ATP11A: variants seen among roughly 807,000 people sequenced by gnomAD.
ATP11A encodes the protein ATPase phospholipid transporting 11A, also known as phospholipid-transporting ATPase IH.
A neutral mutation model predicts 154.4 loss-of-function variants in ATP11A; 81 were observed. That is an observed-to-expected ratio of 0.52 (90% CI 0.44 to 0.63). The LOEUF is 0.63. ATP11A is among the 30% of genes least tolerant of loss of function. The pLI, the probability that ATP11A is intolerant of heterozygous loss-of-function variation, is 0.00. For synonymous variants in ATP11A, 623 were observed against 585.9 expected, an observed-to-expected ratio of 1.06 and a Z score of -0.91; for missense variants, 1,316 against 1,474.3, an observed-to-expected ratio of 0.89 and a Z score of 1.76.
intron 1 of ATP11A, among the ~76,000 whole-genome samples, chr13:112,738,369 G>A (rs563065561): frequency 1.0e-4 from 14 of 140,692 alleles, no homozygotes; most frequent in South Asian, 8.5e-4. Context: ...GTGAAACACC[G>A]TCTCAAAAAG....
intron 5 of ATP11A, among the ~76,000 whole-genome samples, chr13:112,813,544 G>A (rs1428345045): frequency 6.6e-6 from 1 of 152,214 alleles, no homozygotes; most frequent in Non-Finnish European, 1.5e-5. Context: ...GTTTGGGGCT[G>A]TTATCAAGAG....
intron 1 of ATP11A, among the ~76,000 whole-genome samples, chr13:112,735,893 A>G (rs147457979): frequency 3.2e-4 from 49 of 152,338 alleles, no homozygotes; most frequent in African/African-American, 1.1e-3. Flanking sequence ...CATAAGTCCC[A>G]TGGTCCGTGT....
chr13:112,738,599 G>A (rs1415300771), intron 1 of ATP11A, among the ~76,000 whole-genome samples: 1 of 152,162 alleles, frequency 6.6e-6, no homozygotes. Flanking sequence ...TTTAAGCATT[G>A]TGGGACAGGT....
intron 4 of ATP11A, among the ~76,000 whole-genome samples, chr13:112,809,768 C>A (rs544637784): frequency 6.6e-6 from 1 of 152,180 alleles, no homozygotes; most frequent in South Asian, 2.1e-4. Context: ...CACCCAGCAA[C>A]GCCAAACACA....
rs183361173 is a variant in ATP11A at position 112,875,376 on chromosome 13, G to A, written c.3162-400G>A. On this transcript the variant is annotated intron_variant, in intron 27 of 29. Coordinates refer to ENST00000375645, the MANE Select transcript of ATP11A (RefSeq NM_015205.3). This position sits in a 1 kb window ranked among gnomAD's most constrained non-coding sequence, Gnocchi z 4.1. ...ACGTCTTTGAATCATCCTCTTTCTG[G>A]GGAGAGAAGTCATTGCTTGCTCTGT... 6.6e-6 allele frequency among the ~76,000 whole-genome samples: 1 copy of A among 152,262 alleles called. No homozygotes were observed.
At chr13:112,790,887 AT>A (rs1343282513) in intron 2 of ATP11A, among the ~76,000 whole-genome samples, 3 of 152,222 alleles carry the variant, frequency 2.0e-5, no homozygotes, top group African/African-American at 7.2e-5. Flanking sequence ...ATTGCAAAAA[AT>A]TTTAATAGCT....
At chr13:112,708,836 A>T (rs1036535707) in intron 1 of ATP11A, among the ~76,000 whole-genome samples, 12 of 152,050 alleles carry the variant, frequency 7.9e-5, no homozygotes, top group African/African-American at 2.9e-4. Context: ...GAACTCATGG[A>T]GGGGGAGGGG....
At chr13:112,857,782 CAGAG>C (rs529315314) in intron 20 of ATP11A, 32 bp from the exon 21 acceptor site, 13 of 1,534,226 alleles carry the variant, frequency 8.5e-6, no homozygotes, top group Non-Finnish European at 1.1e-5. Context: ...AGAAGTGAAA[CAGAG>C]AAGATAAATT....
At chr13:112,777,174 G>A (rs2139982271) in intron 1 of ATP11A, among the ~76,000 whole-genome samples, 1 of 151,830 alleles carries the variant, frequency 6.6e-6, no homozygotes, top group Admixed American at 6.5e-5. Flanking sequence ...TCAGGCGCTG[G>A]CACCTGTCAG....
Position 112,697,286 on chromosome 13 carries a change from G to A in ATP11A, c.39+6831G>A, listed in dbSNP as rs1362165982. On this transcript the variant is annotated intron_variant, in intron 1 of 29. Transcript: ENST00000375645. The surrounding 1 kb of genome is among the most constrained non-coding windows in gnomAD (Gnocchi z 4.0). ...CAACATCCTTGTCCCAGGAAGAGGCGTCCACTGCCTGCTACACGCCACCCA... is the reference window on the plus strand; with the variant it reads ...CAACATCCTTGTCCCAGGAAGAGGCATCCACTGCCTGCTACACGCCACCCA... 1.3e-5 allele frequency among the ~76,000 whole-genome samples: 2 copies of A among 152,082 alleles called. No homozygotes were observed. Among genetic ancestry groups the A allele is most frequent in the Admixed American group, 6.5e-5 (1 of 15,278 alleles).
At chr13:112,759,356 C>T (rs2139864481) in intron 1 of ATP11A, among the ~76,000 whole-genome samples, 1 of 152,316 alleles carries the variant, frequency 6.6e-6, no homozygotes, top group African/African-American at 2.4e-5. Context: ...CCACCCGCAA[C>T]ACACTTGGCA....
At chr13:112,881,532 C>G in intron 29 of ATP11A, 1 of 1,134,738 alleles carries the variant, frequency 8.8e-7, no homozygotes, top group South Asian at 2.0e-5. Context: ...TCCCTGGGGC[C>G]CCTGGGTTCT....
intron 1 of ATP11A, among the ~76,000 whole-genome samples, chr13:112,729,443 G>A (rs1470474791): frequency 6.7e-6 from 1 of 149,648 alleles, no homozygotes; most frequent in Non-Finnish European, 1.5e-5. Context: ...GAGGCAGCGC[G>A]GTTCCCACCT....
chr13:112,800,003 C>G (rs566796772), intron 2 of ATP11A, among the ~76,000 whole-genome samples: 1 of 152,204 alleles, frequency 6.6e-6, no homozygotes, highest in Admixed American at 6.5e-5. Flanking sequence ...AAAAATATAA[C>G]TTATCAAATC....
chr13:112,691,795 C>T (rs1033441689), intron 1 of ATP11A, among the ~76,000 whole-genome samples: 9 of 151,980 alleles, frequency 5.9e-5, no homozygotes, highest in Non-Finnish European at 1.3e-4. Flanking sequence ...AATGCTTTCC[C>T]CCGGATTTAT....
At chr13:112,865,552 TTTTG>T (rs2080302766) in intron 25 of ATP11A, among the ~76,000 whole-genome samples, 1 of 152,222 alleles carries the variant, frequency 6.6e-6, no homozygotes, top group African/African-American at 2.4e-5. Flanking sequence ...TTTTTTGTTT[TTTTG>T]TTGTTGTTGT....
intron 2 of ATP11A, among the ~76,000 whole-genome samples, chr13:112,804,709 G>C (rs920661934): frequency 6.6e-6 from 1 of 151,962 alleles, no homozygotes; most frequent in Non-Finnish European, 1.5e-5. Context: ...TCAAACTATT[G>C]TTGAGCTACC....
chr13:112,769,602 G>T (rs573108188), intron 1 of ATP11A, among the ~76,000 whole-genome samples: 48 of 152,304 alleles, frequency 3.2e-4, no homozygotes, highest in Admixed American at 5.9e-4. Context: ...TGTGAACCTC[G>T]ACACCACCCT....
intron 17 of ATP11A, among the ~76,000 whole-genome samples, chr13:112,845,134 G>A (rs990121813): frequency 2.6e-5 from 4 of 151,102 alleles, no homozygotes; most frequent in African/African-American, 7.3e-5. Flanking sequence ...TCCAAGTGCC[G>A]GGCAGTAGCA....
Sources: allele counts gnomAD v4.1 joint callset (sites outside exome capture counted in the v4.1 genomes callset), GRCh38; gene constraint gnomAD v4.1.1; non-coding constraint Gnocchi (gnomAD v3.1); transcripts MANE v1.5; gene names NCBI Gene and HGNC (gene_info 2026-07-23, HGNC 2026-07-21).